EYS: variants seen among roughly 807,000 people sequenced by gnomAD.
EYS encodes the protein protein eyes shut homolog.
EYS carries 250 observed loss-of-function variants against 282.1 expected under a neutral mutation model. That is an observed-to-expected ratio of 0.89 (90% CI 0.80 to 0.98). The LOEUF (loss-of-function observed/expected upper bound fraction) is 0.98, where lower values mean the gene tolerates loss of function less well. Among genes scored for constraint, EYS ranks in the 50% least tolerant of loss-of-function variants. The pLI is 0.00. For missense variants in EYS, 4,016 were observed against 3,709.0 expected (o/e 1.08, Z -2.15); for synonymous variants, 1,355 against 1,282.9 (o/e 1.06, Z -1.20).
At chr6:64,274,332 G>T (rs1369742613) in intron 30 of EYS, among the ~76,000 whole-genome samples, 1 of 151,938 alleles carries the variant, frequency 6.6e-6, no homozygotes, top group Non-Finnish European at 1.5e-5. Flanking sequence ...GCGCCACCAC[G>T]CCGGGCTAAT....
intron 28 of EYS, among the ~76,000 whole-genome samples, chr6:64,414,871 T>C (rs1441384996): frequency 1.3e-5 from 2 of 152,138 alleles, no homozygotes; most frequent in African/African-American, 4.8e-5. Context: ...TGGAAATGAA[T>C]ACATAAAAAT....
At chr6:63,869,640 G>A (rs321496) in intron 35 of EYS, among the ~76,000 whole-genome samples, 150,063 of 152,288 alleles carry the variant, frequency 0.99, 73,978 homozygotes, top group East Asian at 1. Context: ...ATTAAATGAG[G>A]TATGTGTGAG....
At position 65,402,598 on chromosome 6, in the gene EYS, A is replaced by T; in HGVS notation, c.1064T>A (p.Met355Lys). 6.4e-7 allele frequency: 1 copy of T among 1,574,144 alleles called. No homozygotes were observed. The highest frequency in any genetic ancestry group is 8.7e-7 in the Non-Finnish European group (1 of 1,144,912). ...TGTAAATATTGGTGAACAGATGCAC[A>T]TAACATCCTAGGAAAGATTAAAAAA... ...TDCIKISNDV[M>K]CICSPIFTDL... is the part of the protein sequence containing the mutation. Residue 355 changes from methionine (M) to lysine (K), a missense_variant, in exon 7 of 43, where the codon ATG (methionine) becomes AAG (lysine). Met to Lys is a moderately conservative substitution (Grantham distance 95). Transcript: ENST00000503581.
At chr6:65,589,228 C>G (rs73742016) in intron 2 of EYS, among the ~76,000 whole-genome samples, 1,872 of 152,100 alleles carry the variant, frequency 0.012, 36 homozygotes, top group African/African-American at 0.043. Flanking sequence ...GTATGTTGTA[C>G]TCTACTTCCA....
chr6:64,768,567 T>C (rs536668860), intron 22 of EYS, among the ~76,000 whole-genome samples: 1 of 152,312 alleles, frequency 6.6e-6, no homozygotes, highest in African/African-American at 2.4e-5. Context: ...GATGAACCAT[T>C]TCCCTTAAAT....
At chr6:65,495,638 T>C (rs1369586189) in intron 3 of EYS, 31 bp from the exon 4 acceptor site, 5 of 585,208 alleles carry the variant, frequency 8.5e-6, no homozygotes, top group Admixed American at 3.1e-5. Flanking sequence ...ATATTGTTAG[T>C]GAAGTTTTCC....
intron 31 of EYS, among the ~76,000 whole-genome samples, chr6:64,181,032 T>C (rs1416868005): frequency 6.6e-6 from 1 of 152,176 alleles, no homozygotes; most frequent in Admixed American, 6.6e-5. Flanking sequence ...TAGCTACTAC[T>C]TGAAAGTGAG....
rs747093040 is a variant in EYS, at chr6:63,789,013, C to A, written c.7578+45G>T. On this transcript the variant is annotated intron_variant, in intron 38 of 42. Transcript: ENST00000503581. ...ATCTTAGCACAGATCTGACAATATACTAGTGCTCTCAGTTTGTGGAAGTGA... is the reference window on the plus strand; with the variant it reads ...ATCTTAGCACAGATCTGACAATATAATAGTGCTCTCAGTTTGTGGAAGTGA... The A allele has an allele frequency of 1.2e-5, 19 of 1,533,524 alleles. No individual in the cohort carries two copies. The South Asian group carries it at 2.3e-4, about 19-fold the overall frequency. The allele number at this position is 1,533,524 out of a possible 1,614,324, so 95.0% of individuals were successfully genotyped here. A position where few individuals can be genotyped will look rare whatever the true frequency, so the allele number is the denominator to read the frequency against.
intron 36 of EYS, among the ~76,000 whole-genome samples, chr6:63,855,061 AAAG>A (rs770377102): frequency 2.0e-5 from 3 of 152,246 alleles, no homozygotes; most frequent in Non-Finnish European, 4.4e-5. Flanking sequence ...GTCATGTGAG[AAAG>A]AAGAATTCCT....
intron 19 of EYS, among the ~76,000 whole-genome samples, chr6:64,875,339 A>G (rs977767783): frequency 6.6e-6 from 1 of 152,036 alleles, no homozygotes; most frequent in African/African-American, 2.4e-5. Context: ...CACTTTGGGA[A>G]TTATTGAGCT....
chr6:64,008,643 C>T (rs1768462315), intron 33 of EYS, among the ~76,000 whole-genome samples: 1 of 152,072 alleles, frequency 6.6e-6, no homozygotes, highest in Non-Finnish European at 1.5e-5. Context: ...TTAAGGATTT[C>T]TTGCAATGCA....
At chr6:65,152,577 A>G (rs1424242552) in intron 12 of EYS, among the ~76,000 whole-genome samples, 1 of 151,894 alleles carries the variant, frequency 6.6e-6, no homozygotes, top group Non-Finnish European at 1.5e-5. Flanking sequence ...TAAACCTGCC[A>G]TCTTTGATCT....
intron 37 of EYS, among the ~76,000 whole-genome samples, chr6:63,801,365 C>T (rs773242145): frequency 2.0e-5 from 3 of 152,106 alleles, no homozygotes; most frequent in Non-Finnish European, 4.4e-5. Flanking sequence ...ACCAGGACCT[C>T]GTCTGTCTTG....
intron 35 of EYS, among the ~76,000 whole-genome samples, chr6:63,899,799 T>A (rs1212464647): frequency 6.6e-6 from 1 of 152,254 alleles, no homozygotes; most frequent in Non-Finnish European, 1.5e-5. Flanking sequence ...ATGCTCTATA[T>A]ATCAAGAATA....
intron 32 of EYS, among the ~76,000 whole-genome samples, chr6:64,079,573 T>A (rs1771891176): frequency 6.6e-6 from 1 of 152,124 alleles, no homozygotes; most frequent in Non-Finnish European, 1.5e-5. Flanking sequence ...ATTTTTTATT[T>A]TTTTATTATT....
intron 31 of EYS, among the ~76,000 whole-genome samples, chr6:64,089,043 T>A (rs1345240273): frequency 6.6e-6 from 1 of 151,982 alleles, no homozygotes; most frequent in African/African-American, 2.4e-5. Context: ...CAATAGAAAT[T>A]AAAAATTAAT....
At chr6:64,213,549 A>G (rs1267409251) in intron 31 of EYS, among the ~76,000 whole-genome samples, 1 of 152,208 alleles carries the variant, frequency 6.6e-6, no homozygotes, top group African/African-American at 2.4e-5. Flanking sequence ...CATTTATTAA[A>G]TGTGATGAAA....
In EYS at chr6:63,720,152, A is replaced by G; in HGVS notation, c.*444T>C. 1 of 178,992 alleles carries G rather than the reference A, an allele frequency of 5.6e-6. No homozygotes were observed. Among genetic ancestry groups the G allele is most frequent in the Non-Finnish European group, 1.2e-5 (1 of 86,198 alleles). 11.1% of individuals were successfully genotyped at this position (178,992 alleles called of 1,614,324 possible). A position where few individuals can be genotyped will look rare whatever the true frequency, so the allele number is the denominator to read the frequency against. ...ACAATATGGTTACATTGCTTTGTATAATTTTTATTTTTCCTTTGATTAATA... is the reference window on the plus strand; with the variant it reads ...ACAATATGGTTACATTGCTTTGTATGATTTTTATTTTTCCTTTGATTAATA... On this transcript the variant is annotated 3_prime_UTR_variant, in exon 43 of 43. Transcript: ENST00000503581.
At chr6:64,617,572 A>G (rs748774100) in intron 23 of EYS, 39 bp from the exon 24 acceptor site, 32 of 1,155,740 alleles carry the variant, frequency 2.8e-5, no homozygotes, top group Non-Finnish European at 3.9e-5. Flanking sequence ...GCAATTTTTA[A>G]TGATAATAAA....
Sources: allele counts gnomAD v4.1 joint callset (sites outside exome capture counted in the v4.1 genomes callset), GRCh38; gene constraint gnomAD v4.1.1; transcripts MANE v1.5; gene names NCBI Gene and HGNC (gene_info 2026-07-23, HGNC 2026-07-21).